The following MAGI2 variants were observed in gnomAD, a reference collection of about 807,000 sequenced individuals.
MAGI2 encodes membrane associated guanylate kinase, WW and PDZ domain containing 2.
In MAGI2, 35 loss-of-function variants were observed where a neutral mutation model predicts 133.3. That is an observed-to-expected ratio of 0.26 (90% CI 0.20 to 0.35). The LOEUF (loss-of-function observed/expected upper bound fraction) is 0.35. Ranked by LOEUF, MAGI2 falls within the 10% of genes least tolerant of loss-of-function variation. The pLI is 1.00. For missense variants in MAGI2, 1,636 were observed against 1,863.4 expected (o/e 0.88, Z 2.25); for synonymous variants, 729 against 710.6 (o/e 1.03, Z -0.41).
chr7:79,381,469 T>G (rs971302326), intron 1 of MAGI2, among the ~76,000 whole-genome samples: 2 of 151,786 alleles, frequency 1.3e-5, no homozygotes, highest in Non-Finnish European at 3.0e-5. Flanking sequence ...AGTTCTTTCA[T>G]CCTTAAATAT....
intron 1 of MAGI2, among the ~76,000 whole-genome samples, chr7:79,013,101 T>C (rs1158180904): frequency 3.9e-5 from 6 of 152,140 alleles, no homozygotes; most frequent in Non-Finnish European, 8.8e-5. Flanking sequence ...AAATAACATC[T>C]CCTCTAGGTC....
At chr7:79,173,325 A>AT (rs201866960) in intron 1 of MAGI2, among the ~76,000 whole-genome samples, 82 of 147,600 alleles carry the variant, frequency 5.6e-4, no homozygotes, top group African/African-American at 1.0e-3. Flanking sequence ...TTATAATTGC[A>AT]TTTTTTTTTT....
chr7:78,896,380 G>A (rs544117673), intron 2 of MAGI2, among the ~76,000 whole-genome samples: 1 of 151,910 alleles, frequency 6.6e-6, no homozygotes, highest in African/African-American at 2.4e-5. Context: ...CATACAATGA[G>A]GCTGCATGAA....
intron 2 of MAGI2, among the ~76,000 whole-genome samples, chr7:78,896,456 C>T (rs539829337): frequency 4.6e-5 from 7 of 150,828 alleles, no homozygotes; most frequent in South Asian, 2.1e-4. Context: ...TAAGCATATA[C>T]GACACTAAAT....
chr7:78,076,852 C>CAAAAAAAAAA (rs1242148618), intron 21 of MAGI2, among the ~76,000 whole-genome samples: 1 of 42,552 alleles, frequency 2.4e-5, no homozygotes, highest in African/African-American at 9.5e-5. Context: ...GACTCCGTCT[C>CAAAAAAAAAA]AAAAAAAAAA....
intron 3 of MAGI2, among the ~76,000 whole-genome samples, chr7:78,612,897 C>A (rs569672489): frequency 6.6e-6 from 1 of 152,238 alleles, no homozygotes; most frequent in South Asian, 2.1e-4. Context: ...GTCTCGATCT[C>A]CTGACCTCGT....
chr7:79,420,664 C>T (rs17487958), intron 1 of MAGI2, among the ~76,000 whole-genome samples: 13,338 of 151,972 alleles, frequency 0.088, 650 homozygotes, highest in Middle Eastern at 0.14. Context: ...AAGTCTTCAA[C>T]GGAGCTGACA....
intron 3 of MAGI2, among the ~76,000 whole-genome samples, chr7:78,523,963 C>A (rs564771009): frequency 6.6e-6 from 1 of 152,006 alleles, no homozygotes; most frequent in Admixed American, 6.6e-5. Context: ...GATGGTTCTA[C>A]TAACAAAGGG....
At chr7:78,199,578 GA>G (rs1201785846) in intron 11 of MAGI2, among the ~76,000 whole-genome samples, 3 of 152,206 alleles carry the variant, frequency 2.0e-5, no homozygotes, top group Non-Finnish European at 4.4e-5. Flanking sequence ...AGTCCAGGTA[GA>G]ATGCCTTTAG....
intron 3 of MAGI2, among the ~76,000 whole-genome samples, chr7:78,540,550 C>T (rs1450163557): frequency 6.6e-6 from 1 of 152,168 alleles, no homozygotes; most frequent in Non-Finnish European, 1.5e-5. Context: ...TGCCCCTCCC[C>T]ACCTGCCATG....
chr7:79,163,653 G>C (rs957171700), intron 1 of MAGI2, among the ~76,000 whole-genome samples: 2 of 152,032 alleles, frequency 1.3e-5, no homozygotes, highest in Non-Finnish European at 2.9e-5. Flanking sequence ...AAATAACCCT[G>C]ATAAGGAAGG....
chr7:78,943,167 A>T (rs1801126720), intron 2 of MAGI2, among the ~76,000 whole-genome samples: 1 of 152,110 alleles, frequency 6.6e-6, no homozygotes, highest in South Asian at 2.1e-4. Flanking sequence ...TTTATGAAAA[A>T]ACATCTTGCA....
At chr7:78,808,259 A>T (rs997292640) in intron 2 of MAGI2, among the ~76,000 whole-genome samples, 4 of 151,870 alleles carry the variant, frequency 2.6e-5, no homozygotes, top group African/African-American at 7.2e-5. Context: ...TTACTTTTTA[A>T]TTTATTATTT....
At position 78,132,972 on chromosome 7, in the gene MAGI2, GGCCAGGGGACTCTGCTGT is replaced by G. The variant is rs778882917; in HGVS notation, c.3102_3119del (p.Gln1036_Gln1041del). 153 of 1,613,110 alleles carry G rather than the reference GGCCAGGGGACTCTGCTGT, an allele frequency of 9.5e-5. 1 individual carries two copies. The South Asian group carries it at 1.2e-3, about 12-fold the overall frequency. On this transcript the variant is annotated inframe_deletion, in exon 18 of 22. Transcript: ENST00000354212. ...TGTTGGGGGTGGCTGGGCTTGGCTG[GGCCAGGGGACTCTGCTGT>G]GCCAGGGGACTCTGCTGCGCCATGG...
chr7:78,281,671 C>T (rs973340502), intron 9 of MAGI2, among the ~76,000 whole-genome samples: 3 of 150,944 alleles, frequency 2.0e-5, no homozygotes, highest in African/African-American at 7.3e-5. Context: ...CAAGTAGAGT[C>T]TGGCAGCATA....
intron 6 of MAGI2, among the ~76,000 whole-genome samples, chr7:78,483,001 A>G (rs898168656): frequency 8.4e-5 from 11 of 131,548 alleles, no homozygotes; most frequent in Admixed American, 5.0e-4. Flanking sequence ...TCTGTAATAC[A>G]ATACATGTAT....
chr7:79,081,659 G>A (rs1451852851), intron 1 of MAGI2, among the ~76,000 whole-genome samples: 2 of 152,052 alleles, frequency 1.3e-5, no homozygotes, highest in Non-Finnish European at 2.9e-5. Context: ...AGCTAAGAGT[G>A]CAATTAACAA....
At chr7:79,254,066 T>G (rs1833515132) in intron 1 of MAGI2, among the ~76,000 whole-genome samples, 1 of 152,188 alleles carries the variant, frequency 6.6e-6, no homozygotes, top group Non-Finnish European at 1.5e-5. Flanking sequence ...CTGGGTTCTA[T>G]TAAACATTTC....
chr7:78,656,916 T>C (rs1341025918), intron 2 of MAGI2, among the ~76,000 whole-genome samples: 1 of 150,274 alleles, frequency 6.7e-6, no homozygotes, highest in Non-Finnish European at 1.5e-5. Context: ...AAAGTGTATA[T>C]GATAAATAAC....
Sources: gnomAD v4.1 joint callset for allele counts (sites outside exome capture counted in the v4.1 genomes callset) on GRCh38, gnomAD v4.1.1 for gene constraint, MANE v1.5 for transcripts, NCBI Gene and HGNC (gene_info 2026-07-23, HGNC 2026-07-21) for gene names.